Variants in VCL observed in about 807,000 individuals in gnomAD.
The protein encoded by VCL is epididymis luminal protein 114.
Under a neutral mutation model 125.7 loss-of-function variants are expected in VCL, and 47 were observed. The observed-to-expected ratio is 0.37, with a 90% CI of 0.30 to 0.48. The LOEUF (loss-of-function observed/expected upper bound fraction) is 0.48. VCL is among the 20% of genes least tolerant of loss of function. The pLI, the probability that VCL is intolerant of heterozygous loss-of-function variation, is 0.99. For synonymous variants in VCL, 458 were observed against 514.6 expected, an observed-to-expected ratio of 0.89 and a Z score of 1.49; for missense variants, 1,069 against 1,455.5, an observed-to-expected ratio of 0.73 and a Z score of 4.32.
intron 2 of VCL, among the ~76,000 whole-genome samples, chr10:74,065,857 T>C (rs946316178): frequency 6.6e-6 from 1 of 151,934 alleles, no homozygotes; most frequent in Non-Finnish European, 1.5e-5. Context: ...CCTGGTAAAG[T>C]TGAATATATT....
In VCL at chr10:74,071,566, GA is replaced by G. The variant is rs776924230; in HGVS notation, c.499+486del. Among the ~76,000 whole-genome samples, 3 of 152,154 alleles carry G rather than the reference GA, an allele frequency of 2.0e-5. No individual in the cohort carries two copies. The highest frequency in any genetic ancestry group is 4.4e-5 in the Non-Finnish European group (3 of 68,020). On this transcript the variant is annotated intron_variant, in intron 4 of 21. Transcript: ENST00000211998. The surrounding 1 kb of genome is among the most constrained non-coding windows in gnomAD (Gnocchi z 4.1). ...AGCTATTGTGGTTAAATCTTATTTT[GA>G]AATGATTATTCAGGCATCTGAGCAT...
Position 74,101,052 on chromosome 10 carries a change from A to G in VCL, c.1977A>G (p.Glu659=). 2 of 1,613,864 alleles carry G rather than the reference A, an allele frequency of 1.2e-6. No homozygotes were observed. The highest frequency in any genetic ancestry group is 1.7e-6 in the Non-Finnish European group (2 of 1,179,836). Residue 659 remains glutamate, a synonymous_variant, in exon 14 of 22, where the codon GAA becomes GAG. Coordinates refer to ENST00000211998, the MANE Select transcript of VCL (RefSeq NM_014000.3). ...AVGTANKSTV[E]GIQASVKTAR... ...GTACTGCTAATAAATCAACAGTGGAAGGCATTCAGGCCTCAGTGAAGACGG... is the reference window on the plus strand; with the variant it reads ...GTACTGCTAATAAATCAACAGTGGAGGGCATTCAGGCCTCAGTGAAGACGG...
At chr10:74,032,202 T>A (rs1840887209) in intron 1 of VCL, among the ~76,000 whole-genome samples, 1 of 136,188 alleles carries the variant, frequency 7.3e-6, no homozygotes, top group Non-Finnish European at 1.5e-5. Flanking sequence ...ATCATGCCAC[T>A]GCACTCTAGT....
chr10:73,999,984 C>T (rs1840196721), intron 1 of VCL, among the ~76,000 whole-genome samples: 2 of 152,182 alleles, frequency 1.3e-5, no homozygotes. Context: ...TAGTGTCTCT[C>T]CATGTAGTAC....
Position 74,031,552 on chromosome 10 carries a change from C to G in VCL, c.169-11531C>G, listed in dbSNP as rs575394398. 2.6e-5 allele frequency among the ~76,000 whole-genome samples: 4 copies of G among 152,152 alleles called. No homozygotes were observed. The South Asian group carries it at 8.3e-4, about 32-fold the overall frequency. ...CTTCATGATCTCAGGTTAGATGAAG[C>G]CTTCTTAAGTGTTACACCAAAAGCA... On this transcript the variant is annotated intron_variant, in intron 1 of 21. Transcript: ENST00000211998.
Position 74,119,741 on chromosome 10 carries a change from C to CTAT in VCL, c.*1574_*1576dup. The CTAT allele has an allele frequency of 6.5e-6, 1 of 152,720 alleles. No homozygotes were observed. The highest frequency in any genetic ancestry group is 2.1e-4 in the South Asian group (1 of 4,832). The allele number at this position is 152,720 out of a possible 1,614,324, so 9.5% of individuals were successfully genotyped here. On this transcript the variant is annotated 3_prime_UTR_variant, in exon 22 of 22. Coordinates refer to ENST00000211998, the MANE Select transcript of VCL (RefSeq NM_014000.3). ...TTGGTCCTTTACACTCAGGCTTTCA[C>CTAT]TATTTCCTTTATAATGAGGATGATT...
At chr10:73,998,400 G>A (rs1264873148) in intron 1 of VCL, 25 bp downstream of exon 1, 5 of 1,446,518 alleles carry the variant, frequency 3.5e-6, no homozygotes, top group Admixed American at 2.7e-5. Flanking sequence ...CCTGGCGCGG[G>A]AGCGGGCGCG....
chr10:74,055,705 T>A (rs1406418076), intron 2 of VCL, among the ~76,000 whole-genome samples: 3 of 152,144 alleles, frequency 2.0e-5, no homozygotes, highest in Non-Finnish European at 4.4e-5. Context: ...AGAATCAACA[T>A]ACATTTGAAA....
chr10:74,039,736 C>G (rs1336741235), intron 1 of VCL, among the ~76,000 whole-genome samples: 1 of 151,928 alleles, frequency 6.6e-6, no homozygotes, highest in African/African-American at 2.4e-5. Flanking sequence ...CCACTGCACT[C>G]AAGTCTGGGA....
intron 6 of VCL, 67 bp from the exon 7 acceptor site, chr10:74,082,386 TG>T (rs1839690385): frequency 6.4e-7 from 1 of 1,560,336 alleles, no homozygotes; most frequent in African/African-American, 1.4e-5. Context: ...ACTTCTTCTC[TG>T]TCTTACGTTC....
chr10:74,097,848 T>A lies in VCL; in HGVS notation c.1872+516T>A, dbSNP rs1481740940. 6.6e-6 allele frequency among the ~76,000 whole-genome samples: 1 copy of A among 152,146 alleles called. No homozygotes were observed. The highest frequency in any genetic ancestry group is 2.4e-5 in the African/African-American group (1 of 41,416). On this transcript the variant is annotated intron_variant, in intron 13 of 21. Transcript: ENST00000211998. The surrounding 1 kb of genome is among the most constrained non-coding windows in gnomAD (Gnocchi z 4.1). ...CTATCCCAGAGTAAAACCAGAGTGC[T>A]AACAATGAAGAAAATTGCCAGCGAT...
chr10:74,112,142 G>A, intron 19 of VCL, 30 bp downstream of exon 19: 2 of 1,612,966 alleles, frequency 1.2e-6, no homozygotes, highest in South Asian at 2.2e-5. Context: ...GTTGGGGGCT[G>A]CTCCATATGC....
chr10:74,089,938 A>G, intron 9 of VCL, 85 bp from the exon 10 acceptor site: 1 of 1,499,502 alleles, frequency 6.7e-7, no homozygotes, highest in Non-Finnish European at 9.3e-7. Flanking sequence ...TTACTTTTGA[A>G]ATCCTTCTTC....
chr10:74,090,647 T>A (rs1223875902), intron 10 of VCL, among the ~76,000 whole-genome samples: 1 of 152,128 alleles, frequency 6.6e-6, no homozygotes, highest in African/African-American at 2.4e-5. Flanking sequence ...GCAATGATAT[T>A]TTGTAAGTAG....
intron 8 of VCL, among the ~76,000 whole-genome samples, chr10:74,087,287 A>G (rs542751256): frequency 6.6e-6 from 1 of 151,380 alleles, no homozygotes; most frequent in African/African-American, 2.4e-5. Flanking sequence ...GTATAGATGA[A>G]AAACAGAATA....
intron 18 of VCL, among the ~76,000 whole-genome samples, chr10:74,110,017 C>T (rs1381090872): frequency 2.0e-5 from 3 of 152,144 alleles, no homozygotes; most frequent in Non-Finnish European, 4.4e-5. Context: ...ACCTCCTGCA[C>T]CTGCAGCTGA....
intron 1 of VCL, among the ~76,000 whole-genome samples, chr10:74,032,441 T>C (rs180900881): frequency 6.1e-4 from 93 of 152,072 alleles, no homozygotes; most frequent in African/African-American, 2.1e-3. Flanking sequence ...CTCATGCCTA[T>C]AATCCCAGCA....
chr10:74,081,449 T>C (rs1839672769), intron 6 of VCL, among the ~76,000 whole-genome samples: 1 of 152,174 alleles, frequency 6.6e-6, no homozygotes, highest in Non-Finnish European at 1.5e-5. Context: ...TTGTGCAGGA[T>C]TGGAAACTGA....
intron 2 of VCL, among the ~76,000 whole-genome samples, chr10:74,054,796 C>A (rs1211577457): frequency 6.6e-6 from 1 of 152,022 alleles, no homozygotes; most frequent in Non-Finnish European, 1.5e-5. Context: ...TGCTGCACAC[C>A]TGTAGGCCCA....
Sources: gnomAD v4.1 joint callset for allele counts (sites outside exome capture counted in the v4.1 genomes callset) on GRCh38, gnomAD v4.1.1 for gene constraint, Gnocchi (gnomAD v3.1) non-coding constraint, MANE v1.5 for transcripts, NCBI Gene and HGNC (gene_info 2026-07-23, HGNC 2026-07-21) for gene names.